The following WWTR1 variants were observed in gnomAD, a reference collection of about 807,000 sequenced individuals.
The protein encoded by WWTR1 is WW domain containing transcription regulator 1, also known as WW domain-containing transcription regulator protein 1.
In WWTR1, 13 loss-of-function variants were observed where a neutral mutation model predicts 40.1. The ratio of observed to expected loss-of-function variants is 0.32; its 90% CI spans 0.21 to 0.52. The LOEUF is 0.52. Among genes scored for constraint, WWTR1 ranks in the 20% least tolerant of loss-of-function variants. WWTR1 has a pLI of 0.97. For missense variants in WWTR1, 436 were observed against 523.1 expected (o/e 0.83, Z 1.63); for synonymous variants, 230 against 210.1 (o/e 1.09, Z -0.82).
intron 1 of WWTR1, among the ~76,000 whole-genome samples, chr3:149,683,571 G>A (rs1353420604): frequency 3.9e-5 from 6 of 152,202 alleles, no homozygotes; most frequent in South Asian, 2.1e-4. Context: ...GCATGCGCCT[G>A]TAATCCCAGC....
chr3:149,647,732 T>G (rs1712619553), intron 2 of WWTR1, among the ~76,000 whole-genome samples: 1 of 152,192 alleles, frequency 6.6e-6, no homozygotes, highest in African/African-American at 2.4e-5. Flanking sequence ...CAGACTCTTT[T>G]AAGTCAGCAT....
intron 4 of WWTR1, among the ~76,000 whole-genome samples, chr3:149,719,745 T>A (rs559464009): frequency 6.6e-6 from 1 of 152,332 alleles, no homozygotes; most frequent in Non-Finnish European, 1.5e-5. Context: ...GCACAAAGAT[T>A]CTATTTTCTC....
chr3:149,722,459 T>G (rs1576652453), intron 4 of WWTR1, among the ~76,000 whole-genome samples: 2 of 152,300 alleles, frequency 1.3e-5, no homozygotes, highest in South Asian at 4.1e-4. Context: ...GTATCATGTG[T>G]GTTCATTTTC....
intron 2 of WWTR1, among the ~76,000 whole-genome samples, chr3:149,621,893 A>G (rs1429354387): frequency 6.6e-6 from 1 of 152,218 alleles, no homozygotes; most frequent in East Asian, 1.9e-4. Context: ...CTTTGCCACC[A>G]TAAGGATGTC....
intron 3 of WWTR1, among the ~76,000 whole-genome samples, chr3:149,545,391 A>C (rs1480222463): frequency 6.6e-6 from 1 of 152,214 alleles, no homozygotes; most frequent in Non-Finnish European, 1.5e-5. Context: ...TCTTACTAGT[A>C]GTTATATTTA....
At chr3:149,690,986 T>C (rs1391117857) in intron 1 of WWTR1, among the ~76,000 whole-genome samples, 2 of 152,204 alleles carry the variant, frequency 1.3e-5, no homozygotes, top group African/African-American at 2.4e-5. Context: ...ACAATGCTCC[T>C]GAATGACCAG....
At chr3:149,556,151 A>C (rs1296401856) in intron 3 of WWTR1, among the ~76,000 whole-genome samples, 1 of 152,204 alleles carries the variant, frequency 6.6e-6, no homozygotes, top group Non-Finnish European at 1.5e-5. Context: ...CCTCTATTCC[A>C]GACTGATAGA....
chr3:149,686,539 A>C (rs1010656), intron 1 of WWTR1, among the ~76,000 whole-genome samples: 30,666 of 151,828 alleles, frequency 0.2, 3,302 homozygotes, highest in East Asian at 0.37. Context: ...ATCTCTCTCT[A>C]TATATATATA....
At chr3:149,556,661 T>C (rs1449115863) in intron 3 of WWTR1, among the ~76,000 whole-genome samples, 1 of 152,118 alleles carries the variant, frequency 6.6e-6, no homozygotes, top group Non-Finnish European at 1.5e-5. Context: ...CTCTCAGCCC[T>C]GTAAAGTGGT....
At chr3:149,596,773 T>C (rs1030806102) in intron 2 of WWTR1, among the ~76,000 whole-genome samples, 4 of 152,244 alleles carry the variant, frequency 2.6e-5, no homozygotes, top group African/African-American at 9.6e-5. Flanking sequence ...TAAGCTACTG[T>C]GCTTCTATTT....
intron 3 of WWTR1, among the ~76,000 whole-genome samples, chr3:149,571,055 G>GA (rs923736455): frequency 1.3e-5 from 2 of 151,954 alleles, no homozygotes; most frequent in African/African-American, 4.8e-5. Flanking sequence ...ACAGGCAGGT[G>GA]AAAAAAGCAA....
chr3:149,643,136 T>A (rs1000480064), intron 2 of WWTR1, among the ~76,000 whole-genome samples: 1 of 152,214 alleles, frequency 6.6e-6, no homozygotes, highest in African/African-American at 2.4e-5. Context: ...TTACCTTATA[T>A]TGTGAAAGGG....
At chr3:149,692,616 A>C (rs552733429) in intron 1 of WWTR1, among the ~76,000 whole-genome samples, 2 of 141,788 alleles carry the variant, frequency 1.4e-5, no homozygotes, top group African/African-American at 5.4e-5. Flanking sequence ...CACTTTCACC[A>C]CTGTTTGTTT....
chr3:149,660,360 G>A (rs1713517139), upstream of WWTR1: 1 of 152,194 alleles, frequency 6.6e-6, no homozygotes, highest in African/African-American at 2.4e-5. Flanking sequence ...GTGAGAATCT[G>A]GGTTGGAACT....
chr3:149,682,436 T>C (rs1038955119), intron 1 of WWTR1, among the ~76,000 whole-genome samples: 27 of 152,216 alleles, frequency 1.8e-4, no homozygotes, highest in African/African-American at 6.3e-4. Flanking sequence ...AACCAAGGAC[T>C]GCAAAGAATT....
chr3:149,685,028 T>C (rs1027222050), intron 1 of WWTR1, among the ~76,000 whole-genome samples: 2 of 152,238 alleles, frequency 1.3e-5, no homozygotes, highest in African/African-American at 4.8e-5. Flanking sequence ...ATCTGTTTCA[T>C]CATTTGTAGC....
intron 2 of WWTR1, among the ~76,000 whole-genome samples, chr3:149,667,000 A>G (rs1560110751): frequency 6.6e-6 from 1 of 152,214 alleles, no homozygotes; most frequent in East Asian, 1.9e-4. Flanking sequence ...CCTAAAATGT[A>G]TATCGAAGCT....
At chr3:149,655,751 A>G (rs1713172811) in intron 2 of WWTR1, among the ~76,000 whole-genome samples, 1 of 152,240 alleles carries the variant, frequency 6.6e-6, no homozygotes, top group African/African-American at 2.4e-5. Context: ...TTCATCCATC[A>G]CTGTGTATTC....
At chr3:149,707,773 C>T (rs1041829350), upstream of WWTR1, among the ~76,000 whole-genome samples, 1 of 152,146 alleles carries the variant, frequency 6.6e-6, no homozygotes, top group African/African-American at 2.4e-5. Flanking sequence ...AATATGTTTG[C>T]ATGTCCCCAA....
Sources: gnomAD v4.1 joint callset for allele counts (sites outside exome capture counted in the v4.1 genomes callset) on GRCh38, gnomAD v4.1.1 for gene constraint, MANE v1.5 for transcripts, NCBI Gene and HGNC (gene_info 2026-07-23, HGNC 2026-07-21) for gene names.